HNF4G: variants seen among roughly 807,000 people sequenced by gnomAD.
The protein encoded by HNF4G is hepatocyte nuclear factor 4 gamma.
HNF4G carries 21 observed loss-of-function variants against 50.9 expected under a neutral mutation model. The ratio of observed to expected loss-of-function variants is 0.41; its 90% CI spans 0.29 to 0.59. HNF4G has a LOEUF of 0.59. HNF4G is among the 20% of genes least tolerant of loss of function. The pLI, the probability that HNF4G is intolerant of heterozygous loss-of-function variation, is 0.26. For synonymous variants in HNF4G, 198 were observed against 185.6 expected, an observed-to-expected ratio of 1.07 and a Z score of -0.54; for missense variants, 527 against 559.4, an observed-to-expected ratio of 0.94 and a Z score of 0.58.
chr8:75,457,215 C>G lies in HNF4G; in HGVS notation c.-143-32874C>G, dbSNP rs190340298. ...CTTTAATCCAGTTGTAAAGAGGACC[C>G]ACATACATCAGTTTTAAAAACAAGG... On this transcript the variant is annotated intron_variant, in intron 1 of 10. Coordinates refer to the HNF4G transcript ENST00000354370. Among the ~76,000 whole-genome samples the G allele has an allele frequency of 2.0e-4, 30 of 152,244 alleles. No homozygotes were observed. In the Middle Eastern group the frequency reaches 0.014, roughly 69 times the overall value.
chr8:75,486,635 A>AAAAC (rs1180953205), intron 1 of HNF4G, among the ~76,000 whole-genome samples: 1 of 152,216 alleles, frequency 6.6e-6, no homozygotes, highest in Non-Finnish European at 1.5e-5. Flanking sequence ...ATTCAGGCAA[A>AAAAC]AAACAAACAA....
At chr8:75,434,916 T>C (rs1251042770) in intron 1 of HNF4G, among the ~76,000 whole-genome samples, 1 of 152,176 alleles carries the variant, frequency 6.6e-6, no homozygotes, top group East Asian at 1.9e-4. Context: ...CTTGAACCCA[T>C]TGTCAAAAAT....
chr8:75,536,685 GTTTA>G (rs1163353293), upstream of HNF4G, among the ~76,000 whole-genome samples: 1 of 152,034 alleles, frequency 6.6e-6, no homozygotes, highest in Non-Finnish European at 1.5e-5. Flanking sequence ...CCATAGACAT[GTTTA>G]TTGAGTTATA....
chr8:75,432,527 C>T (rs1585837783), intron 1 of HNF4G, among the ~76,000 whole-genome samples: 1 of 152,276 alleles, frequency 6.6e-6, no homozygotes, highest in Non-Finnish European at 1.5e-5. Context: ...TCTCAAACTG[C>T]TGATCTCAGG....
intron 3 of HNF4G, among the ~76,000 whole-genome samples, chr8:75,548,057 C>T (rs1806840744): frequency 6.7e-6 from 1 of 149,168 alleles, no homozygotes; most frequent in African/African-American, 2.5e-5. Flanking sequence ...GTGGCATGAT[C>T]ATGGCTCACT....
intron 2 of HNF4G, among the ~76,000 whole-genome samples, chr8:75,505,595 T>G (rs1190328879): frequency 6.6e-6 from 1 of 152,092 alleles, no homozygotes; most frequent in Non-Finnish European, 1.5e-5. Flanking sequence ...TACCTCTCAA[T>G]TTTTTTGAGT....
intron 1 of HNF4G, among the ~76,000 whole-genome samples, chr8:75,435,570 T>C (rs1319446115): frequency 6.6e-6 from 1 of 152,168 alleles, no homozygotes; most frequent in East Asian, 1.9e-4. Flanking sequence ...CAACAAGTTA[T>C]TAGGCTCTGA....
intron 1 of HNF4G, among the ~76,000 whole-genome samples, chr8:75,428,905 G>A (rs13278909): frequency 0.044 from 6,679 of 152,182 alleles, 192 homozygotes; most frequent in Non-Finnish European, 0.062. Context: ...AAAATGGATT[G>A]GGTGGAGGCA....
At chr8:75,522,753 G>A (rs981479601) in intron 2 of HNF4G, among the ~76,000 whole-genome samples, 6 of 152,146 alleles carry the variant, frequency 3.9e-5, no homozygotes, top group South Asian at 2.1e-4. Context: ...TGATGTAGCC[G>A]CCTGATGATT....
intron 1 of HNF4G, among the ~76,000 whole-genome samples, chr8:75,425,768 T>C (rs1008257687): frequency 1.3e-5 from 2 of 151,904 alleles, no homozygotes; most frequent in Non-Finnish European, 1.5e-5. Flanking sequence ...ATTGGATGAA[T>C]ATGCCACAAA....
At chr8:75,431,525 T>C (rs567436758) in intron 1 of HNF4G, among the ~76,000 whole-genome samples, 13 of 152,224 alleles carry the variant, frequency 8.5e-5, no homozygotes, top group African/African-American at 2.6e-4. Context: ...TCGCAATAAA[T>C]ATAAATTGAG....
At chr8:75,450,050 TG>T (rs1204925622) in intron 1 of HNF4G, among the ~76,000 whole-genome samples, 1 of 152,226 alleles carries the variant, frequency 6.6e-6, no homozygotes, top group Non-Finnish European at 1.5e-5. Context: ...ACCATTTTGC[TG>T]TCTGTTTCTG....
intron 1 of HNF4G, among the ~76,000 whole-genome samples, chr8:75,439,198 T>G (rs1811212659): frequency 6.6e-6 from 1 of 152,036 alleles, no homozygotes; most frequent in Admixed American, 6.6e-5. Flanking sequence ...TAAATGAAAA[T>G]ATAATTATTT....
chr8:75,535,032 TA>T (rs1806423622), upstream of HNF4G, among the ~76,000 whole-genome samples: 1 of 151,782 alleles, frequency 6.6e-6, no homozygotes, highest in Admixed American at 6.6e-5. Context: ...TGCGATTGCA[TA>T]GATCTAAACT....
chr8:75,481,208 T>C (rs1370055541), intron 1 of HNF4G, among the ~76,000 whole-genome samples: 2 of 152,232 alleles, frequency 1.3e-5, no homozygotes, highest in Non-Finnish European at 2.9e-5. Flanking sequence ...CCCTGGACTA[T>C]ATTACATCTG....
intron 1 of HNF4G, among the ~76,000 whole-genome samples, chr8:75,455,809 T>C (rs1811705999): frequency 6.6e-6 from 1 of 152,182 alleles, no homozygotes; most frequent in Admixed American, 6.5e-5. Context: ...TACAAGTTAC[T>C]TTTGCTGCTT....
chr8:75,468,492 G>A lies in HNF4G; in HGVS notation c.-143-21597G>A, dbSNP rs368805808. On this transcript the variant is annotated intron_variant, in intron 1 of 10. Coordinates refer to the HNF4G transcript ENST00000354370. ...AAGTGGATCATGAGGTCAGGAGTTC[G>A]AGACCAGCCTGACCAACATGTTGAA... Among the ~76,000 whole-genome samples, 139 of 152,138 alleles carry A rather than the reference G, an allele frequency of 9.1e-4. 1 individual carries two copies. Among genetic ancestry groups the A allele is most frequent in the African/African-American group, 3.1e-3 (130 of 41,526 alleles).
At chr8:75,455,088 T>C (rs1563513566) in intron 1 of HNF4G, among the ~76,000 whole-genome samples, 1 of 152,154 alleles carries the variant, frequency 6.6e-6, no homozygotes, top group Non-Finnish European at 1.5e-5. Flanking sequence ...ATTAAATGTA[T>C]TATTCTATCT....
chr8:75,413,689 T>C lies in HNF4G; in HGVS notation c.-144+5527T>C, dbSNP rs1810560103. Among the ~76,000 whole-genome samples the C allele has an allele frequency of 2.0e-5, 3 of 151,812 alleles. No homozygotes were observed. In the East Asian group the frequency reaches 5.9e-4, roughly 30 times the overall value. ...TTTGAAACCAGCTTGGTCAACATGA[T>C]GAAACCCCACAAAAAAATGAGCATG... On this transcript the variant is annotated intron_variant, in intron 1 of 10. Transcript: ENST00000354370.
Sources: gnomAD v4.1 joint callset for allele counts (sites outside exome capture counted in the v4.1 genomes callset) on GRCh38, gnomAD v4.1.1 for gene constraint, MANE v1.5 for transcripts, NCBI Gene and HGNC (gene_info 2026-07-23, HGNC 2026-07-21) for gene names.